The following TRIM49 variants were observed in gnomAD, a reference collection of about 807,000 sequenced individuals.
The protein encoded by TRIM49 is tripartite motif containing 49, also known as tripartite motif-containing protein 49.
In TRIM49, 5 loss-of-function variants were observed where a neutral mutation model predicts 27.4. The observed-to-expected ratio is 0.18, with a 90% CI of 0.10 to 0.38. The LOEUF is 0.38. TRIM49 is among the 10% of genes least tolerant of loss of function. The pLI, the probability that TRIM49 is intolerant of heterozygous loss-of-function variation, is 1.00. For missense variants in TRIM49, 188 were observed against 487.5 expected (o/e 0.39, Z 5.79); for synonymous variants, 69 against 166.0 (o/e 0.42, Z 4.49).
chr11:89,776,834 T>C, the TRIM49 span: 4 of 678,984 alleles, frequency 5.9e-6, no homozygotes, highest in East Asian at 2.8e-5. Flanking sequence ...TATGTCTCAG[T>C]TTGTACTGGA....
the TRIM49 span, among the ~76,000 whole-genome samples, chr11:89,773,083 C>T: frequency 1.5e-5 from 2 of 136,470 alleles, no homozygotes; most frequent in South Asian, 2.3e-4. Flanking sequence ...CCCAGCTACT[C>T]GGGAGGCTGA....
At chr11:89,777,481 T>C in the TRIM49 span, 7 of 1,487,300 alleles carry the variant, frequency 4.7e-6, no homozygotes, top group Non-Finnish European at 6.3e-6. Flanking sequence ...ATGCAGATGA[T>C]GGAGGTGGTG....
downstream of TRIM49, among the ~76,000 whole-genome samples, chr11:89,793,649 T>C (rs372041299): frequency 5.9e-5 from 9 of 152,104 alleles, no homozygotes; most frequent in South Asian, 1.0e-3. Context: ...ATTATCTCAA[T>C]AGATGCAGAA....
the TRIM49 span, chr11:89,768,839 GGAGAGAGA>G: frequency 1.8e-4 from 85 of 477,364 alleles, 11 homozygotes; most frequent in East Asian, 4.3e-3. Context: ...CCCAAATCCT[GGAGAGAGA>G]GAGAGAGAGA....
intron 2 of TRIM49, among the ~76,000 whole-genome samples, chr11:89,804,957 A>G (rs1284551567): frequency 2.6e-5 from 4 of 151,212 alleles, no homozygotes; most frequent in African/African-American, 9.8e-5. Flanking sequence ...CGGGCAGCAA[A>G]CCACCATGGC....
At chr11:89,790,900 A>G in the TRIM49 span, among the ~76,000 whole-genome samples, 9 of 152,168 alleles carry the variant, frequency 5.9e-5, no homozygotes, top group Admixed American at 2.0e-4. Flanking sequence ...CTGGATGGAG[A>G]ATGATTTTGA....
rs1255635322 is a variant in TRIM49, at chr11:89,797,687, A to G, written c.*443T>C. The G allele has an allele frequency of 2.4e-4, 33 of 135,558 alleles. No individual in the cohort carries two copies. The highest frequency in any genetic ancestry group is 1.1e-3 in the Admixed American group (15 of 13,286). The allele number at this position is 135,558 out of a possible 1,614,324, so 8.4% of individuals were successfully genotyped here. On this transcript the variant is annotated 3_prime_UTR_variant, in exon 8 of 8. Transcript: ENST00000329758. ...TCAAAGGATAGATTAATACAATGAA[A>G]CCTGATGGATAAGTGTAATATAGTT...
At chr11:89,776,638 TA>T in the TRIM49 span, among the ~76,000 whole-genome samples, 1 of 151,414 alleles carries the variant, frequency 6.6e-6, no homozygotes, top group African/African-American at 2.4e-5. Flanking sequence ...TACATTGTAT[TA>T]GGCATTCAAA....
chr11:89,790,547 G>A, the TRIM49 span, among the ~76,000 whole-genome samples: 1 of 151,978 alleles, frequency 6.6e-6, no homozygotes, highest in Non-Finnish European at 1.5e-5. Flanking sequence ...CCTCTGAGAC[G>A]AAGCTTCTAG....
In TRIM49 at chr11:89,804,116, A is replaced by C. The variant is rs971785858; in HGVS notation, c.354T>G (p.Ser118=). 2.5e-6 allele frequency: 4 copies of C among 1,606,006 alleles called. No homozygotes were observed. The highest frequency in any genetic ancestry group is 4.5e-5 in the East Asian group (2 of 44,514). The stretch of plus-strand genomic sequence containing the variant: ...GGTGTCTGTGATACCGGTGCTCCTG[A>C]GAGCTGGAGCACAGCAAACAGAGCA... ...RSLLCLLCSS[S]QEHRYHRHRP... is the part of the protein sequence containing the mutation. The change falls in exon 3 of 8, where the codon TCT becomes TCG. Residue 118 remains serine, a synonymous_variant. Coordinates refer to ENST00000329758, the MANE Select transcript of TRIM49 (RefSeq NM_020358.2).
the TRIM49 span, among the ~76,000 whole-genome samples, chr11:89,785,789 A>G: frequency 8.5e-3 from 1,095 of 128,944 alleles, 4 homozygotes; most frequent in East Asian, 0.037. Flanking sequence ...GAAAATTAAA[A>G]TAAAAACAAA....
chr11:89,793,647 A>T (rs1324238580), downstream of TRIM49, among the ~76,000 whole-genome samples: 1 of 152,014 alleles, frequency 6.6e-6, no homozygotes, highest in Non-Finnish European at 1.5e-5. Flanking sequence ...TGATTATCTC[A>T]ATAGATGCAG....
chr11:89,774,008 T>C, the TRIM49 span, among the ~76,000 whole-genome samples: 1 of 136,966 alleles, frequency 7.3e-6, no homozygotes, highest in Non-Finnish European at 1.5e-5. Context: ...TTTCTTTTTT[T>C]TTTTTCTTTT....
intron 2 of TRIM49, among the ~76,000 whole-genome samples, chr11:89,805,778 C>T (rs1295088689): frequency 6.8e-6 from 1 of 148,004 alleles, no homozygotes; most frequent in Non-Finnish European, 1.5e-5. Flanking sequence ...AATGCAGTGG[C>T]GTGATCTCGG....
the TRIM49 span, chr11:89,767,046 G>A: frequency 1.8e-6 from 1 of 545,940 alleles, no homozygotes; most frequent in Non-Finnish European, 3.1e-6. Flanking sequence ...ATTGTAATTG[G>A]TTCCTTCCCA....
the TRIM49 span, among the ~76,000 whole-genome samples, chr11:89,775,903 A>G: frequency 0.31 from 43,798 of 139,800 alleles, 2,799 homozygotes; most frequent in East Asian, 0.42. Flanking sequence ...GTTTGGAGGC[A>G]GGGAGTATAG....
At chr11:89,773,951 G>C in the TRIM49 span, among the ~76,000 whole-genome samples, 2 of 135,970 alleles carry the variant, frequency 1.5e-5, no homozygotes, top group South Asian at 4.6e-4. Context: ...GAAAAAAAAA[G>C]TTAGCAAGTG....
rs1288757746 is a variant in TRIM49 at position 89,808,464 on chromosome 11, G to A, written c.-218C>T. 6.6e-6 allele frequency: 1 copy of A among 150,650 alleles called. No individual in the cohort carries two copies. The highest frequency in any genetic ancestry group is 1.5e-5 in the Non-Finnish European group (1 of 67,950). 9.3% of individuals were successfully genotyped at this position (150,650 alleles called of 1,614,324 possible). On this transcript the variant is annotated 5_prime_UTR_variant, in exon 1 of 8. Transcript: ENST00000329758. ...AATTGTGGGAGCTGCTTAAGCAAAT[G>A]TGAGATCCTGGGTACAGTCCATCAG...
chr11:89,789,355 G>GT, the TRIM49 span: 1 of 100,046 alleles, frequency 1.0e-5, no homozygotes, highest in Non-Finnish European at 2.1e-5. Context: ...GCGTTACCAA[G>GT]TCACCATGAG....
Sources: gnomAD v4.1 joint callset for allele counts (sites outside exome capture counted in the v4.1 genomes callset) on GRCh38, gnomAD v4.1.1 for gene constraint, MANE v1.5 for transcripts, NCBI Gene and HGNC (gene_info 2026-07-23, HGNC 2026-07-21) for gene names.